KSR2: variants seen among roughly 807,000 people sequenced by gnomAD.
KSR2 encodes the protein kinase suppressor of ras 2.
In KSR2, 25 loss-of-function variants were observed where a neutral mutation model predicts 107.8. The ratio of observed to expected loss-of-function variants is 0.23; its 90% CI spans 0.17 to 0.32. The LOEUF is 0.32. Ranked by LOEUF, KSR2 falls within the 10% of genes least tolerant of loss-of-function variation. KSR2 has a pLI of 1.00. For missense variants in KSR2, 887 were observed against 1,268.9 expected, an observed-to-expected ratio of 0.70 and a Z score of 4.57; for synonymous variants, 480 against 507.0, an observed-to-expected ratio of 0.95 and a Z score of 0.71.
intron 7 of KSR2, among the ~76,000 whole-genome samples, chr12:117,573,097 A>C (rs941163497): frequency 1.3e-5 from 2 of 152,196 alleles, no homozygotes; most frequent in African/African-American, 4.8e-5. Flanking sequence ...TCGGAGTCTT[A>C]ATTTCCTATT....
At chr12:117,766,788 A>G (rs1889244051) in intron 3 of KSR2, among the ~76,000 whole-genome samples, 1 of 150,694 alleles carries the variant, frequency 6.6e-6, no homozygotes, top group African/African-American at 2.4e-5. Flanking sequence ...GGATGGTAAG[A>G]GAGAGAACAG....
At chr12:117,559,081 T>TGGATGGAG in intron 7 of KSR2, among the ~76,000 whole-genome samples, 1 of 148,264 alleles carries the variant, frequency 6.7e-6, no homozygotes, top group Non-Finnish European at 1.5e-5. Context: ...GATGGATGGA[T>TGGATGGAG]GGTGGATGGG....
In KSR2 at chr12:117,907,432, C is replaced by A. The variant is rs530325170; in HGVS notation, c.181-47001G>T. Among the ~76,000 whole-genome samples, 1 of 152,276 alleles carries A rather than the reference C, an allele frequency of 6.6e-6. No homozygotes were observed. The highest frequency in any genetic ancestry group is 1.9e-4 in the East Asian group (1 of 5,180). On this transcript the variant is annotated intron_variant, in intron 1 of 19. Coordinates refer to ENST00000339824, the MANE Select transcript of KSR2 (RefSeq NM_173598.6). This position sits in a 1 kb window ranked among gnomAD's most constrained non-coding sequence, Gnocchi z 4.3. ...GCTCAAGACGACGCTCAGCAGGTAT[C>A]TCAGGTGAGATCTGGTTTCTAGGTG...
At chr12:117,905,252 T>TA (rs1341499454) in intron 1 of KSR2, among the ~76,000 whole-genome samples, 1 of 152,142 alleles carries the variant, frequency 6.6e-6, no homozygotes. Flanking sequence ...TAGCTTATGA[T>TA]AAAAAATTTT....
chr12:117,668,345 G>A lies in KSR2; in HGVS notation c.987-687C>T, dbSNP rs75051079. 2.6e-3 allele frequency among the ~76,000 whole-genome samples: 396 copies of A among 152,320 alleles called. 2 individuals carry two copies. The highest frequency in any genetic ancestry group is 9.3e-3 in the African/African-American group (386 of 41,578). On this transcript the variant is annotated intron_variant, in intron 4 of 19. Transcript: ENST00000339824. ...TAGCTCTTGGTCCGGTGCCTACCAG[G>A]AGCCTCAGATGGTGCCCACCTTAGG...
intron 14 of KSR2, among the ~76,000 whole-genome samples, chr12:117,491,907 G>A (rs1366457122): frequency 6.6e-6 from 1 of 152,190 alleles, no homozygotes; most frequent in Non-Finnish European, 1.5e-5. Context: ...TATCCCCATC[G>A]CCTACGGCAA....
rs115945861 is a variant in KSR2 at position 117,930,031 on chromosome 12, A to G, written c.180+38045T>C. ...ATGAAGTAATAAATATCATGTATAC[A>G]TACCTCAATTTAAAAAAAATTTTTT... On this transcript the variant is annotated intron_variant, in intron 1 of 19. Transcript: ENST00000339824. Among the ~76,000 whole-genome samples the G allele has an allele frequency of 6.2e-3, 943 of 152,228 alleles. 14 individuals carry two copies. Among genetic ancestry groups the G allele is most frequent in the African/African-American group, 0.022 (910 of 41,540 alleles).
intron 2 of KSR2, among the ~76,000 whole-genome samples, chr12:117,857,884 A>G (rs1446687632): frequency 6.6e-6 from 1 of 152,176 alleles, no homozygotes; most frequent in Non-Finnish European, 1.5e-5. Flanking sequence ...ACATACCTGA[A>G]CTGCAGACAA....
intron 17 of KSR2, among the ~76,000 whole-genome samples, chr12:117,474,321 T>C (rs1434434635): frequency 6.6e-6 from 1 of 152,180 alleles, no homozygotes; most frequent in Non-Finnish European, 1.5e-5. Context: ...AATATCTAAC[T>C]AGATAAAGAT....
chr12:117,502,267 G>C (rs1436012907), intron 14 of KSR2, among the ~76,000 whole-genome samples: 1 of 152,182 alleles, frequency 6.6e-6, no homozygotes, highest in Non-Finnish European at 1.5e-5. Context: ...ACGTGTGTAG[G>C]GGTCTTTGCA....
chr12:117,678,166 G>A (rs1255391170), intron 4 of KSR2, among the ~76,000 whole-genome samples: 1 of 149,274 alleles, frequency 6.7e-6, no homozygotes, highest in Non-Finnish European at 1.5e-5. Context: ...GGCCAGGCTG[G>A]TCTTGAACTC....
rs574666698 is a variant in KSR2, at chr12:117,745,145, C to G, written c.986+15866G>C. Reference sequence around the variant, plus strand: ...GGCCACCTGGTTCCAGAGCCCCTGCCCTACCCCTACCCCAATGCTGCCACA... The same window carrying G: ...GGCCACCTGGTTCCAGAGCCCCTGCGCTACCCCTACCCCAATGCTGCCACA... On this transcript the variant is annotated intron_variant, in intron 4 of 19. Coordinates refer to ENST00000339824, the MANE Select transcript of KSR2 (RefSeq NM_173598.6). Among the ~76,000 whole-genome samples the G allele has an allele frequency of 5.0e-4, 76 of 151,860 alleles. 1 individual carries two copies. In the South Asian group the frequency reaches 7.7e-3, roughly 15 times the overall value.
At chr12:117,957,374 G>A (rs530664386) in intron 1 of KSR2, among the ~76,000 whole-genome samples, 24 of 152,250 alleles carry the variant, frequency 1.6e-4, no homozygotes, top group South Asian at 6.2e-4. Context: ...GAAGAAAATC[G>A]TTCTATTTTT....
intron 14 of KSR2, among the ~76,000 whole-genome samples, chr12:117,517,152 C>G (rs1874427013): frequency 6.6e-6 from 1 of 152,192 alleles, no homozygotes; most frequent in South Asian, 2.1e-4. Context: ...GAAAAGCCAC[C>G]TACCATCCAA....
intron 1 of KSR2, among the ~76,000 whole-genome samples, chr12:117,928,797 T>C (rs572555225): frequency 6.6e-6 from 1 of 152,340 alleles, no homozygotes; most frequent in South Asian, 2.1e-4. Flanking sequence ...GGCACTTGAA[T>C]TATTTTTTTC....
At chr12:117,886,878 A>T (rs1478505274) in intron 1 of KSR2, among the ~76,000 whole-genome samples, 1 of 152,162 alleles carries the variant, frequency 6.6e-6, no homozygotes, top group Non-Finnish European at 1.5e-5. Flanking sequence ...TATTAAAAAA[A>T]ATAGTCTTCC....
Position 117,968,029 on chromosome 12 carries a change from CTTTTTTTTTTTTTTTT to C in KSR2, c.180+31_180+46del, listed in dbSNP as rs34834989. 1,545 of 676,880 alleles carry C rather than the reference CTTTTTTTTTTTTTTTT, an allele frequency of 2.3e-3. 1 individual carries two copies. Among genetic ancestry groups the C allele is most frequent in the Admixed American group, 3.5e-3 (110 of 31,262 alleles). 41.9% of individuals were successfully genotyped at this position (676,880 alleles called of 1,614,324 possible). A position where few individuals can be genotyped will look rare whatever the true frequency, so the allele number is the denominator to read the frequency against. On this transcript the variant is annotated intron_variant, in intron 1 of 19. Coordinates refer to ENST00000339824, the MANE Select transcript of KSR2 (RefSeq NM_173598.6). ...AGAAAGGAGGGGGAAAGAAGGATTG[CTTTTTTTTTTTTTTTT>C]TTTTTTTTTTTTCCCGTAGGCAACA... is the stretch of plus-strand genomic sequence containing the variant.
intron 12 of KSR2, among the ~76,000 whole-genome samples, chr12:117,528,855 G>T (rs1311768408): frequency 6.6e-6 from 1 of 152,188 alleles, no homozygotes; most frequent in Admixed American, 6.5e-5. Flanking sequence ...ATCACTCCGC[G>T]CACATTTAAG....
intron 3 of KSR2, among the ~76,000 whole-genome samples, chr12:117,790,181 T>G (rs1164977386): frequency 6.6e-6 from 1 of 152,158 alleles, no homozygotes; most frequent in Non-Finnish European, 1.5e-5. Flanking sequence ...TTTGCCAAGG[T>G]TAAGGACGTG....
Sources: gnomAD v4.1 joint callset for allele counts (sites outside exome capture counted in the v4.1 genomes callset) on GRCh38, gnomAD v4.1.1 for gene constraint, Gnocchi (gnomAD v3.1) non-coding constraint, MANE v1.5 for transcripts, NCBI Gene and HGNC (gene_info 2026-07-23, HGNC 2026-07-21) for gene names.